TMEM131: variants seen among roughly 807,000 people sequenced by gnomAD.
The protein encoded by TMEM131 is transmembrane protein 131, also known as 2610524E03Rik.
TMEM131 carries 66 observed loss-of-function variants against 211.6 expected under a neutral mutation model. The observed-to-expected ratio is 0.31, with a 90% CI of 0.26 to 0.38. The LOEUF is 0.38. Among genes scored for constraint, TMEM131 ranks in the 10% least tolerant of loss-of-function variants. The pLI, the probability that TMEM131 is intolerant of heterozygous loss-of-function variation, is 1.00. For synonymous variants in TMEM131, 844 were observed against 841.3 expected (o/e 1.00, Z -0.06); for missense variants, 2,036 against 2,299.3 (o/e 0.89, Z 2.34).
chr2:97,868,184 T>C (rs951360698), intron 4 of TMEM131, among the ~76,000 whole-genome samples: 2 of 152,186 alleles, frequency 1.3e-5, no homozygotes, highest in African/African-American at 4.8e-5. Flanking sequence ...TTCCCAGTAA[T>C]AGTGCTTGTT....
At chr2:97,851,541 C>T (rs1226994031) in intron 5 of TMEM131, among the ~76,000 whole-genome samples, 2 of 152,230 alleles carry the variant, frequency 1.3e-5, no homozygotes, top group Non-Finnish European at 2.9e-5. Flanking sequence ...TTTGTAGCAA[C>T]CACGCATCAA....
At chr2:97,966,635 C>G (rs1413415161) in intron 1 of TMEM131, among the ~76,000 whole-genome samples, 11 of 152,120 alleles carry the variant, frequency 7.2e-5, no homozygotes, top group Non-Finnish European at 4.4e-5. Flanking sequence ...CAAGTTGGCT[C>G]ACCTGGGATT....
chr2:97,758,774 C>A (rs1678650262), intron 40 of TMEM131, 119 bp downstream of exon 40: 2 of 1,322,384 alleles, frequency 1.5e-6, no homozygotes, highest in Non-Finnish European at 2.0e-6. Context: ...TACTAACCCA[C>A]CCCTCTGATG....
intron 11 of TMEM131, among the ~76,000 whole-genome samples, chr2:97,832,643 G>A (rs531154881): frequency 1.9e-4 from 29 of 152,304 alleles, no homozygotes; most frequent in African/African-American, 7.0e-4. Flanking sequence ...CTGAAGTTAA[G>A]TTTCTGGCAT....
rs1678054352 is a variant in TMEM131 at position 97,946,578 on chromosome 2, G to C, written c.188-19091C>G. ...CTTGAATAGGCTTATATGTACTTAAGAAACTTATTTTGTAGTTAAAATCTT... is the reference window on the plus strand; with the variant it reads ...CTTGAATAGGCTTATATGTACTTAACAAACTTATTTTGTAGTTAAAATCTT... On this transcript the variant is annotated intron_variant, in intron 1 of 40. Transcript: ENST00000186436. 2.0e-5 allele frequency among the ~76,000 whole-genome samples: 3 copies of C among 151,784 alleles called. No individual in the cohort carries two copies. In the South Asian group the frequency reaches 6.2e-4, roughly 31 times the overall value.
intron 27 of TMEM131, 66 bp downstream of exon 27, chr2:97,796,778 T>G: frequency 6.6e-7 from 1 of 1,515,836 alleles, no homozygotes; most frequent in South Asian, 1.2e-5. Context: ...ATGTTGTTTT[T>G]GAAATTATTT....
At chr2:97,902,394 A>G (rs1675892876) in intron 3 of TMEM131, among the ~76,000 whole-genome samples, 1 of 152,208 alleles carries the variant, frequency 6.6e-6, no homozygotes, top group African/African-American at 2.4e-5. Context: ...CTGTAGACAG[A>G]TAACTGGAGC....
chr2:97,922,876 T>C (rs1160218400), intron 2 of TMEM131, among the ~76,000 whole-genome samples: 1 of 152,188 alleles, frequency 6.6e-6, no homozygotes, highest in African/African-American at 2.4e-5. Context: ...CATCTATATG[T>C]AAATTATATC....
At chr2:97,896,017 C>T (rs1374247971) in intron 3 of TMEM131, among the ~76,000 whole-genome samples, 1 of 152,110 alleles carries the variant, frequency 6.6e-6, no homozygotes, top group Non-Finnish European at 1.5e-5. Context: ...CTATAAATTT[C>T]CCTCTGCACA....
rs934533597 is a variant in TMEM131, at chr2:97,985,180, TA to T, written c.187+10295del. 2.0e-5 allele frequency among the ~76,000 whole-genome samples: 3 copies of T among 152,180 alleles called. No individual in the cohort carries two copies. In the South Asian group the frequency reaches 6.2e-4, roughly 32 times the overall value. ...TGAAACACTTAAGGTATTTTTCTCT[TA>T]AAAAAACAGAAAAACATAAGGATGC... is the stretch of plus-strand genomic sequence containing the variant. On this transcript the variant is annotated intron_variant, in intron 1 of 40. Transcript: ENST00000186436.
At chr2:97,854,457 C>T (rs565989976) in intron 5 of TMEM131, among the ~76,000 whole-genome samples, 1 of 152,172 alleles carries the variant, frequency 6.6e-6, no homozygotes, top group African/African-American at 2.4e-5. Flanking sequence ...CTTTCTTCAC[C>T]TCTTCCACGT....
chr2:97,760,108 C>T, intron 38 of TMEM131: 1 of 257,310 alleles, frequency 3.9e-6, no homozygotes, highest in South Asian at 6.1e-5. Flanking sequence ...AATTGGGGCT[C>T]TATTGTTGCT....
intron 3 of TMEM131, among the ~76,000 whole-genome samples, chr2:97,901,201 A>G (rs1675838789): frequency 6.6e-6 from 1 of 152,184 alleles, no homozygotes; most frequent in South Asian, 2.1e-4. Flanking sequence ...GACAGTGGGT[A>G]AAAAAATAAT....
chr2:97,854,186 AG>A (rs1183388529), intron 5 of TMEM131, among the ~76,000 whole-genome samples: 5 of 152,232 alleles, frequency 3.3e-5, no homozygotes, highest in Non-Finnish European at 7.3e-5. Flanking sequence ...CATTGAGGGA[AG>A]GCCCTCCACC....
At chr2:97,986,278 T>C (rs1014871501) in intron 1 of TMEM131, among the ~76,000 whole-genome samples, 2 of 152,166 alleles carry the variant, frequency 1.3e-5, no homozygotes, top group African/African-American at 4.8e-5. Context: ...AGATGTGAAT[T>C]GATTGCCTTT....
At chr2:97,818,463 C>CGGGG (rs1184208506) in intron 12 of TMEM131, 150 bp downstream of exon 12, 22 of 283,826 alleles carry the variant, frequency 7.8e-5, no homozygotes, top group Admixed American at 2.9e-4. Context: ...TGGTTTACAG[C>CGGGG]GGGGGGGGGC....
At chr2:97,768,112 T>G (rs1428164158) in intron 33 of TMEM131, among the ~76,000 whole-genome samples, 7 of 152,248 alleles carry the variant, frequency 4.6e-5, no homozygotes, top group Admixed American at 3.9e-4. Flanking sequence ...TATATAATAA[T>G]AAGTAGGTAT....
intron 1 of TMEM131, among the ~76,000 whole-genome samples, chr2:97,985,498 T>C (rs1207572586): frequency 6.6e-6 from 1 of 152,092 alleles, no homozygotes; most frequent in Non-Finnish European, 1.5e-5. Flanking sequence ...TTAAATTTTC[T>C]TTACAAAATG....
At chr2:97,987,781 T>C (rs1680092917) in intron 1 of TMEM131, among the ~76,000 whole-genome samples, 1 of 152,152 alleles carries the variant, frequency 6.6e-6, no homozygotes, top group African/African-American at 2.4e-5. Context: ...AGTGAAAGAT[T>C]TGTACACTGA....
Sources: allele counts gnomAD v4.1 joint callset (sites outside exome capture counted in the v4.1 genomes callset), GRCh38; gene constraint gnomAD v4.1.1; transcripts MANE v1.5; gene names NCBI Gene and HGNC (gene_info 2026-07-23, HGNC 2026-07-21).